The following JADE3 variants were observed in gnomAD, a reference collection of about 807,000 sequenced individuals.
The protein encoded by JADE3 is jade family PHD finger 3, also known as protein Jade-3.
A neutral mutation model predicts 50.1 loss-of-function variants in JADE3; 2 were observed. The ratio of observed to expected loss-of-function variants is 0.04; its 90% CI spans 0.02 to 0.13. The LOEUF (loss-of-function observed/expected upper bound fraction) is 0.13, where lower values mean the gene tolerates loss of function less well. Among genes scored for constraint, JADE3 ranks in the 10% least tolerant of loss-of-function variants. The probability of loss-of-function intolerance (pLI) is 1.00; values close to 1 mark genes in which losing one functional copy is unlikely to be tolerated. For missense variants in JADE3, 475 were observed against 634.4 expected, an observed-to-expected ratio of 0.75 and a Z score of 2.70; for synonymous variants, 218 against 232.9, an observed-to-expected ratio of 0.94 and a Z score of 0.58.
chrX:46,915,407 G>C (rs1926059982), intron 1 of JADE3, among the ~76,000 whole-genome samples: 1 of 112,295 alleles, frequency 8.9e-6, no homozygotes. Context: ...ATATAGGTGA[G>C]AAGTGAGTGT....
Position 47,024,711 on chromosome X carries a change from G to A in JADE3, c.285-13G>A. The A allele has an allele frequency of 8.9e-7, 1 of 1,120,572 alleles. No homozygotes were observed. The highest frequency in any genetic ancestry group is 2.0e-5 in the South Asian group (1 of 49,816). 92.3% of individuals were successfully genotyped at this position (1,120,572 alleles called of 1,213,427 possible). A position where few individuals can be genotyped will look rare whatever the true frequency, so the allele number is the denominator to read the frequency against. On this transcript the variant is annotated splice_polypyrimidine_tract_variant and intron_variant, in intron 4 of 10. Transcript: ENST00000614628. ...TGTTGATTGTTATCATTGTCTTTCT[G>A]TTGCTTTTCTAGGATTATAGCTGAG...
chrX:46,997,320 T>G (rs1250162004), intron 3 of JADE3, among the ~76,000 whole-genome samples: 3 of 110,242 alleles, frequency 2.7e-5, no homozygotes, highest in Non-Finnish European at 3.8e-5. Context: ...CTGGGCAACC[T>G]GTCGAAACCC....
chrX:47,049,755 C>CTTTTTTTTTT (rs536912145), intron 8 of JADE3, among the ~76,000 whole-genome samples: 4 of 55,889 alleles, frequency 7.2e-5, no homozygotes, highest in South Asian at 1.1e-3. Flanking sequence ...TCTTCTTCTT[C>CTTTTTTTTTT]TTTTTTTTTT....
chrX:46,950,263 C>T (rs1452124340), intron 1 of JADE3, among the ~76,000 whole-genome samples: 1 of 111,941 alleles, frequency 8.9e-6, no homozygotes, highest in Non-Finnish European at 1.9e-5. Flanking sequence ...ATTTCCATCA[C>T]GCTAATAAAA....
chrX:46,959,411 A>G (rs1340856111), intron 1 of JADE3, among the ~76,000 whole-genome samples: 1 of 111,904 alleles, frequency 8.9e-6, no homozygotes, highest in African/African-American at 3.2e-5. Context: ...CTTCATTCAT[A>G]TGTTTGATGA....
chrX:46,985,244 C>T (rs182500490), intron 2 of JADE3, among the ~76,000 whole-genome samples: 3 of 111,499 alleles, frequency 2.7e-5, no homozygotes, highest in African/African-American at 9.8e-5. Context: ...AAATTGTAGG[C>T]CCTGATTCTA....
intron 1 of JADE3, among the ~76,000 whole-genome samples, chrX:46,966,731 A>G (rs1419065723): frequency 8.9e-6 from 1 of 111,785 alleles, no homozygotes; most frequent in Non-Finnish European, 1.9e-5. Context: ...GGAGTTTGCA[A>G]GAGAAGGCAA....
intron 1 of JADE3, among the ~76,000 whole-genome samples, chrX:46,963,665 G>A (rs1419933693): frequency 8.9e-6 from 1 of 111,748 alleles, no homozygotes; most frequent in Non-Finnish European, 1.9e-5. Context: ...GAAGTCCAAC[G>A]GCTGTCAACT....
chrX:46,992,121 G>A (rs1335438025), intron 3 of JADE3, among the ~76,000 whole-genome samples: 2 of 111,139 alleles, frequency 1.8e-5, no homozygotes, highest in African/African-American at 6.6e-5. Flanking sequence ...CAGGGAGGCT[G>A]AGGCTGGATG....
Position 46,940,829 on chromosome X carries a change from T to C in JADE3, c.-12+28110T>C, listed in dbSNP as rs1223838161. Among the ~76,000 whole-genome samples the C allele has an allele frequency of 7.1e-5, 8 of 111,897 alleles. No homozygotes were observed. In the Admixed American group the frequency reaches 7.6e-4, roughly 11 times the overall value. On this transcript the variant is annotated intron_variant, in intron 1 of 10. Transcript: ENST00000614628. ...TCTACACTACGTATACATTTAAGGATTTTTTTTAAGGCACAAATCATCTTG... is the reference window on the plus strand; with the variant it reads ...TCTACACTACGTATACATTTAAGGACTTTTTTTAAGGCACAAATCATCTTG...
chrX:46,980,569 A>G (rs188097650), intron 1 of JADE3, among the ~76,000 whole-genome samples: 1 of 111,087 alleles, frequency 9.0e-6, no homozygotes, highest in Admixed American at 9.6e-5. Flanking sequence ...GCATAGATTC[A>G]AGTTGCCCTG....
chrX:47,050,337 G>A (rs1929477109), intron 8 of JADE3, among the ~76,000 whole-genome samples: 1 of 111,789 alleles, frequency 8.9e-6, no homozygotes, highest in Non-Finnish European at 1.9e-5. Context: ...GTCAAATCAG[G>A]ATATTTAGCA....
chrX:46,946,236 G>A (rs1314914423), intron 1 of JADE3, among the ~76,000 whole-genome samples: 1 of 111,767 alleles, frequency 8.9e-6, no homozygotes, highest in African/African-American at 3.3e-5. Context: ...GTTGAAATGG[G>A]TCCCAAAGGA....
At chrX:47,035,438 T>C (rs1454413155) in intron 7 of JADE3, among the ~76,000 whole-genome samples, 3 of 112,198 alleles carry the variant, frequency 2.7e-5, no homozygotes, top group East Asian at 5.5e-4. Flanking sequence ...ACTAAGAACA[T>C]CTAGACATAA....
intron 4 of JADE3, among the ~76,000 whole-genome samples, chrX:47,007,807 T>G (rs66494827): frequency 0.053 from 3,718 of 70,787 alleles, 226 homozygotes; most frequent in African/African-American, 0.19. Context: ...TCCTTTTATT[T>G]TGTGTGTGTG....
intron 8 of JADE3, among the ~76,000 whole-genome samples, chrX:47,043,647 G>A (rs896594493): frequency 1.0e-4 from 11 of 109,948 alleles, no homozygotes; most frequent in Non-Finnish European, 1.1e-4. Flanking sequence ...GTGAAACCCC[G>A]TCTCTACTAA....
chrX:46,959,233 C>G (rs1265605821), intron 1 of JADE3, among the ~76,000 whole-genome samples: 1 of 112,383 alleles, frequency 8.9e-6, no homozygotes, highest in Non-Finnish European at 1.9e-5. Context: ...CTGTGTGTTC[C>G]TGTGATTTAG....
At chrX:46,985,876 A>G (rs1927850864) in intron 3 of JADE3, 84 bp downstream of exon 3, 2 of 635,159 alleles carry the variant, frequency 3.1e-6, no homozygotes, top group Non-Finnish European at 5.2e-6. Flanking sequence ...TTATATCCCA[A>G]TGTTGGAGGT....
At position 47,060,300 on chromosome X, in the gene JADE3, T is replaced by C. The variant is rs1342568168; in HGVS notation, c.*1223T>C. On this transcript the variant is annotated 3_prime_UTR_variant, in exon 11 of 11. Transcript: ENST00000614628. ...TTAAATAAGAGAGAAATGATGCCGT[T>C]TTTTAAATGTGAAGCAGACTATAAT... The C allele has an allele frequency of 9.0e-6, 1 of 111,167 alleles. No individual in the cohort carries two copies. Among genetic ancestry groups the C allele is most frequent in the Non-Finnish European group, 1.9e-5 (1 of 52,917 alleles). The allele number at this position is 111,167 out of a possible 1,213,427, so 9.2% of individuals were successfully genotyped here.
Sources: allele counts gnomAD v4.1 joint callset (sites outside exome capture counted in the v4.1 genomes callset), GRCh38; gene constraint gnomAD v4.1.1; transcripts MANE v1.5; gene names NCBI Gene and HGNC (gene_info 2026-07-23, HGNC 2026-07-21).